Variants in FBLN2 observed in about 807,000 individuals in gnomAD.
The protein encoded by FBLN2 is fibulin-2.
Under a neutral mutation model 123.7 loss-of-function variants are expected in FBLN2, and 81 were observed. The observed-to-expected ratio is 0.65, with a 90% CI of 0.55 to 0.79. The LOEUF (loss-of-function observed/expected upper bound fraction) is 0.79. Among genes scored for constraint, FBLN2 ranks in the 30% least tolerant of loss-of-function variants. FBLN2 has a pLI of 0.00. For synonymous variants in FBLN2, 699 were observed against 701.4 expected (o/e 1.00, Z 0.05); for missense variants, 1,603 against 1,681.3 (o/e 0.95, Z 0.81).
intron 2 of FBLN2, among the ~76,000 whole-genome samples, chr3:13,587,726 T>A (rs917084151): frequency 1.3e-5 from 2 of 152,264 alleles, no homozygotes; most frequent in African/African-American, 4.8e-5. Context: ...AAGCTTCATC[T>A]GCATGATAAA....
chr3:13,604,717 A>G (rs1434183183), intron 2 of FBLN2, among the ~76,000 whole-genome samples: 1 of 152,196 alleles, frequency 6.6e-6, no homozygotes, highest in Admixed American at 6.5e-5. Context: ...GATGTTTGCT[A>G]TGTGCTTCTG....
intron 14 of FBLN2, 22 bp downstream of exon 14, chr3:13,629,967 A>AC: frequency 6.2e-7 from 1 of 1,608,424 alleles, no homozygotes. Context: ...CTCATCTCTG[A>AC]CCCTATGCCG....
chr3:13,612,312 T>TTTCTTTCTTTCTTTCC (rs1705424448), intron 4 of FBLN2, among the ~76,000 whole-genome samples: 1 of 144,808 alleles, frequency 6.9e-6, no homozygotes, highest in Non-Finnish European at 1.5e-5. Context: ...TCTTTCTTTC[T>TTTCTTTCTTTCTTTCC]TTCTTTCTTT....
Position 13,570,330 on chromosome 3 carries a change from G to C in FBLN2, c.-26G>C, listed in dbSNP as rs758195210. ...ATTCCCCCAGGGTCTTACAGGAGAG[G>C]GGACCGTCCTGGGCTGGCCTGGACC... On this transcript the variant is annotated 5_prime_UTR_variant, in exon 2 of 18. Coordinates refer to ENST00000404922, the MANE Select transcript of FBLN2 (RefSeq NM_001004019.2). The C allele has an allele frequency of 6.7e-7, 1 of 1,497,992 alleles. No individual in the cohort carries two copies. The highest frequency in any genetic ancestry group is 8.9e-7 in the Non-Finnish European group (1 of 1,119,914). 92.8% of individuals were successfully genotyped at this position (1,497,992 alleles called of 1,614,324 possible). A position where few individuals can be genotyped will look rare whatever the true frequency, so the allele number is the denominator to read the frequency against.
At chr3:13,634,671 C>A (rs1361171759) in intron 16 of FBLN2, among the ~76,000 whole-genome samples, 2 of 152,266 alleles carry the variant, frequency 1.3e-5, no homozygotes, top group African/African-American at 4.8e-5. Flanking sequence ...TTCTCCCACT[C>A]ACTTCTGCGC....
At chr3:13,617,715 C>G (rs1466198643) in intron 5 of FBLN2, among the ~76,000 whole-genome samples, 1 of 114,324 alleles carries the variant, frequency 8.7e-6, no homozygotes, top group Non-Finnish European at 1.8e-5. Context: ...ATCCATCCAT[C>G]CATCCATTCA....
At chr3:13,593,153 A>C (rs1704729498) in intron 2 of FBLN2, among the ~76,000 whole-genome samples, 1 of 152,208 alleles carries the variant, frequency 6.6e-6, no homozygotes, top group African/African-American at 2.4e-5. Context: ...AGGAACTGCA[A>C]AGCATTGAGG....
At chr3:13,635,164 T>C (rs1706412206) in intron 16 of FBLN2, among the ~76,000 whole-genome samples, 2 of 152,114 alleles carry the variant, frequency 1.3e-5, no homozygotes, top group Admixed American at 1.3e-4. Flanking sequence ...GAGGACTGAG[T>C]GAGGACAAAT....
At chr3:13,586,664 A>AC (rs1704513869) in intron 2 of FBLN2, among the ~76,000 whole-genome samples, 2 of 124,820 alleles carry the variant, frequency 1.6e-5, no homozygotes, top group Non-Finnish European at 3.3e-5. Context: ...TGCCCAGCTA[A>AC]TTTTTTTTTT....
intron 4 of FBLN2, among the ~76,000 whole-genome samples, chr3:13,610,756 G>A (rs975612228): frequency 1.3e-5 from 2 of 152,090 alleles, no homozygotes; most frequent in African/African-American, 4.8e-5. Context: ...GAGGAAGGCA[G>A]GGCTGAGTTA....
At chr3:13,580,612 TTGTG>T (rs1704294038) in intron 2 of FBLN2, among the ~76,000 whole-genome samples, 1 of 152,134 alleles carries the variant, frequency 6.6e-6, no homozygotes, top group African/African-American at 2.4e-5. Context: ...TGGTTTTAGT[TTGTG>T]TGTGCGTAGC....
chr3:13,553,681 A>G (rs550485252), intron 1 of FBLN2, among the ~76,000 whole-genome samples: 2 of 152,188 alleles, frequency 1.3e-5, no homozygotes, highest in African/African-American at 2.4e-5. Flanking sequence ...GTTTGGGGAA[A>G]GGTTATTTCC....
At chr3:13,619,650 A>C in intron 7 of FBLN2, 80 bp from the exon 8 acceptor site, 2 of 1,186,278 alleles carry the variant, frequency 1.7e-6, no homozygotes, top group Non-Finnish European at 2.4e-6. Flanking sequence ...CTAGTAGGTT[A>C]GAGCCAGGGA....
At chr3:13,568,275 C>G (rs977248809) in intron 1 of FBLN2, among the ~76,000 whole-genome samples, 2 of 152,222 alleles carry the variant, frequency 1.3e-5, no homozygotes, top group East Asian at 3.9e-4. Flanking sequence ...CACAACTCCC[C>G]CTTCCAGGCG....
At chr3:13,593,112 GGT>G (rs1704728786) in intron 2 of FBLN2, among the ~76,000 whole-genome samples, 1 of 152,294 alleles carries the variant, frequency 6.6e-6, no homozygotes, top group Middle Eastern at 3.4e-3. Context: ...AGATTCAACA[GGT>G]GGGGAAATAG....
chr3:13,614,804 TCATC>T (rs1347393917), intron 5 of FBLN2, among the ~76,000 whole-genome samples: 2 of 149,522 alleles, frequency 1.3e-5, no homozygotes, highest in African/African-American at 2.5e-5. Flanking sequence ...CATCCATCCC[TCATC>T]CATCCATCCA....
chr3:13,632,597 G>A (rs1319458385), intron 16 of FBLN2, among the ~76,000 whole-genome samples: 1 of 152,244 alleles, frequency 6.6e-6, no homozygotes, highest in East Asian at 1.9e-4. Context: ...GCATAGGGCA[G>A]AGTGGAGTGG....
rs562054262 is a variant in FBLN2, at chr3:13,570,923, G to A, written c.568G>A (p.Glu190Lys). ...NFSDAEEGDP[E>K]RHYEDPYSYD... is the part of the protein sequence containing the mutation. ...CTCAGATGCCGAGGAGGGTGACCCC[G>A]AGCGACACTACGAAGACCCCTACAG... The change falls in exon 2 of 18, where the codon GAG becomes AAG. Residue 190 changes from glutamate to lysine, a missense_variant. Transcript: ENST00000404922. 6.4e-5 allele frequency: 103 copies of A among 1,612,890 alleles called. No homozygotes were observed. The highest frequency in any genetic ancestry group is 1.1e-4 in the African/African-American group (8 of 75,034).
chr3:13,565,690 C>T (rs2125038586), intron 1 of FBLN2, among the ~76,000 whole-genome samples: 1 of 152,310 alleles, frequency 6.6e-6, no homozygotes, highest in African/African-American at 2.4e-5. Flanking sequence ...CTCACCCCTC[C>T]TAGGGTTGCA....
Sources: allele counts gnomAD v4.1 joint callset (sites outside exome capture counted in the v4.1 genomes callset), GRCh38; gene constraint gnomAD v4.1.1; transcripts MANE v1.5; gene names NCBI Gene and HGNC (gene_info 2026-07-23, HGNC 2026-07-21).